Variants in ARL8B observed in about 807,000 individuals in gnomAD.
ARL8B encodes the protein ADP-ribosylation factor-like protein 8B.
In ARL8B, 9 loss-of-function variants were observed where a neutral mutation model predicts 30.6. The observed-to-expected ratio is 0.29, with a 90% CI of 0.18 to 0.51. The LOEUF (loss-of-function observed/expected upper bound fraction) is 0.51, where lower values mean the gene tolerates loss of function less well. Among genes scored for constraint, ARL8B ranks in the 20% least tolerant of loss-of-function variants. ARL8B has a pLI of 0.97. For synonymous variants in ARL8B, 74 were observed against 76.0 expected (o/e 0.97, Z 0.14); for missense variants, 130 against 227.2 (o/e 0.57, Z 2.75).
At chr3:5,153,237 C>T (rs1235630276) in intron 1 of ARL8B, among the ~76,000 whole-genome samples, 1 of 152,178 alleles carries the variant, frequency 6.6e-6, no homozygotes, top group Non-Finnish European at 1.5e-5. Flanking sequence ...GCAGTGTCCC[C>T]ACCCAAATCT....
intron 1 of ARL8B, among the ~76,000 whole-genome samples, chr3:5,154,803 G>C (rs1050213695): frequency 6.6e-6 from 1 of 152,126 alleles, no homozygotes; most frequent in East Asian, 1.9e-4. Context: ...CTCTGCCTCC[G>C]GGGTTCATGT....
chr3:5,167,773 T>C (rs915320910), intron 1 of ARL8B, among the ~76,000 whole-genome samples: 2 of 152,240 alleles, frequency 1.3e-5, no homozygotes, highest in Non-Finnish European at 1.5e-5. Context: ...TAGAATGATA[T>C]ACTACTAAGT....
At chr3:5,151,257 A>C (rs1284529918) in intron 1 of ARL8B, among the ~76,000 whole-genome samples, 1 of 151,790 alleles carries the variant, frequency 6.6e-6, no homozygotes, top group East Asian at 1.9e-4. Context: ...TTAGATTGTT[A>C]ATTTGAGACA....
At chr3:5,173,485 C>G (rs1016126438) in intron 4 of ARL8B, among the ~76,000 whole-genome samples, 3 of 152,028 alleles carry the variant, frequency 2.0e-5, no homozygotes, top group Non-Finnish European at 2.9e-5. Context: ...GCCTGTAATC[C>G]CAGCACTTTG....
chr3:5,168,700 AATAG>A (rs1036814581), intron 1 of ARL8B, among the ~76,000 whole-genome samples: 106 of 152,340 alleles, frequency 7.0e-4, no homozygotes, highest in African/African-American at 2.5e-3. Flanking sequence ...CTTGTTTTGC[AATAG>A]ATAAACTGAC....
intron 1 of ARL8B, among the ~76,000 whole-genome samples, chr3:5,141,638 G>A (rs768485349): frequency 6.6e-6 from 1 of 152,168 alleles, no homozygotes; most frequent in African/African-American, 2.4e-5. Flanking sequence ...TTTTCTGCCT[G>A]TTCGTTGGCT....
Position 5,122,447 on chromosome 3 carries a change from C to G in ARL8B, c.-19C>G. On this transcript the variant is annotated 5_prime_UTR_variant, in exon 1 of 7. Coordinates refer to ENST00000256496, the MANE Select transcript of ARL8B (RefSeq NM_018184.3). ...CCGCTCGTCCGTCCTCCCGTCCGTT[C>G]TCGCTCCCGGCCGCCATCATGCTGG... 1 of 1,612,116 alleles carries G rather than the reference C, an allele frequency of 6.2e-7. No individual in the cohort carries two copies.
chr3:5,174,441 G>T (rs1412467091), intron 6 of ARL8B, 27 bp downstream of exon 6: 11 of 1,410,412 alleles, frequency 7.8e-6, no homozygotes, highest in Non-Finnish European at 1.1e-5. Flanking sequence ...AATTTTGGAA[G>T]AAATGGGTAT....
intron 1 of ARL8B, among the ~76,000 whole-genome samples, chr3:5,160,390 C>T (rs1446369827): frequency 6.6e-6 from 1 of 152,164 alleles, no homozygotes; most frequent in Non-Finnish European, 1.5e-5. Context: ...TATTAGAATG[C>T]TGTTAATGAA....
At chr3:5,141,783 G>A (rs2054375675) in intron 1 of ARL8B, among the ~76,000 whole-genome samples, 1 of 152,164 alleles carries the variant, frequency 6.6e-6, no homozygotes. Context: ...GTGCAAGCCT[G>A]TTTTTCCAGG....
At chr3:5,131,306 AGAAAG>A (rs1323343284) in intron 1 of ARL8B, among the ~76,000 whole-genome samples, 2 of 152,212 alleles carry the variant, frequency 1.3e-5, no homozygotes, top group Non-Finnish European at 2.9e-5. Context: ...ATCTAGGAAA[AGAAAG>A]GAAACCTACA....
chr3:5,177,048 G>T (rs1444526575), intron 6 of ARL8B, among the ~76,000 whole-genome samples: 1 of 152,064 alleles, frequency 6.6e-6, no homozygotes, highest in African/African-American at 2.4e-5. Flanking sequence ...TTAGTCCATT[G>T]TGCTATTTTG....
rs1292179852 is a variant in ARL8B, at chr3:5,136,489, T to G, written c.123+13901T>G. Among the ~76,000 whole-genome samples, 5 of 152,312 alleles carry G rather than the reference T, an allele frequency of 3.3e-5. No individual in the cohort carries two copies. In the East Asian group the frequency reaches 9.7e-4, roughly 29 times the overall value. ...ATTCTTCCGCCTCCTGTCACTGAAA[T>G]TAGTTTGGAAGCTGGGCATGACTTT... On this transcript the variant is annotated intron_variant, in intron 1 of 6. Coordinates refer to ENST00000256496, the MANE Select transcript of ARL8B (RefSeq NM_018184.3).
intron 2 of ARL8B, 129 bp from the exon 3 acceptor site, chr3:5,172,021 A>G: frequency 3.8e-6 from 3 of 798,666 alleles, no homozygotes; most frequent in Non-Finnish European, 4.0e-6. Context: ...CAAGTCTTTC[A>G]GGAGCACTTT....
intron 1 of ARL8B, among the ~76,000 whole-genome samples, chr3:5,160,970 GT>G (rs2054574839): frequency 6.6e-6 from 1 of 152,200 alleles, no homozygotes; most frequent in Admixed American, 6.5e-5. Flanking sequence ...CCAGGGTAGA[GT>G]GCAGTGGCAC....
intron 1 of ARL8B, among the ~76,000 whole-genome samples, chr3:5,161,846 C>T (rs1436611505): frequency 6.6e-6 from 1 of 152,182 alleles, no homozygotes; most frequent in African/African-American, 2.4e-5. Flanking sequence ...GATACTCAAT[C>T]ACCTCATACA....
At chr3:5,146,096 T>A (rs191993469) in intron 1 of ARL8B, among the ~76,000 whole-genome samples, 1 of 152,200 alleles carries the variant, frequency 6.6e-6, no homozygotes, top group Non-Finnish European at 1.5e-5. Flanking sequence ...CCAAATAAGT[T>A]TGGGGCTTCC....
At chr3:5,128,785 C>G (rs1238175982) in intron 1 of ARL8B, among the ~76,000 whole-genome samples, 1 of 152,194 alleles carries the variant, frequency 6.6e-6, no homozygotes, top group Non-Finnish European at 1.5e-5. Context: ...CTACTGTCAA[C>G]ATTAAAAGCA....
At chr3:5,159,011 C>T (rs2054555879) in intron 1 of ARL8B, among the ~76,000 whole-genome samples, 1 of 152,236 alleles carries the variant, frequency 6.6e-6, no homozygotes, top group Middle Eastern at 3.4e-3. Flanking sequence ...GTAACCCCAG[C>T]ACTTTGGGAG....
Sources: gnomAD v4.1 joint callset for allele counts (sites outside exome capture counted in the v4.1 genomes callset) on GRCh38, gnomAD v4.1.1 for gene constraint, MANE v1.5 for transcripts, NCBI Gene and HGNC (gene_info 2026-07-23, HGNC 2026-07-21) for gene names.